The following PACRG variants were observed in gnomAD, a reference collection of about 807,000 sequenced individuals.
The protein encoded by PACRG is parkin coregulated gene protein.
A neutral mutation model predicts 29.7 loss-of-function variants in PACRG; 29 were observed. That is an observed-to-expected ratio of 0.98 (90% CI 0.73 to 1.33). The LOEUF (loss-of-function observed/expected upper bound fraction) is 1.33. PACRG is among the 40% of genes most tolerant of loss of function. The pLI, the probability that PACRG is intolerant of heterozygous loss-of-function variation, is 0.00. For synonymous variants in PACRG, 116 were observed against 118.7 expected (o/e 0.98, Z 0.15); for missense variants, 279 against 316.2 (o/e 0.88, Z 0.89).
chr6:163,285,383 G>A (rs144304396), intron 4 of PACRG, among the ~76,000 whole-genome samples: 6 of 152,160 alleles, frequency 3.9e-5, no homozygotes, highest in Non-Finnish European at 5.9e-5. Flanking sequence ...CCCAGTCCAG[G>A]CTAGATCTCC....
chr6:163,157,058 G>A (rs117848679), intron 4 of PACRG, among the ~76,000 whole-genome samples: 2,060 of 152,236 alleles, frequency 0.014, 21 homozygotes, highest in Non-Finnish European at 0.022. Flanking sequence ...TCATCTTGGC[G>A]GTGGTGGGCA....
At chr6:162,907,987 A>G (rs1796048433) in intron 2 of PACRG, among the ~76,000 whole-genome samples, 1 of 152,164 alleles carries the variant, frequency 6.6e-6, no homozygotes, top group Non-Finnish European at 1.5e-5. Flanking sequence ...GTGATATTGC[A>G]ACAAAAGGAC....
chr6:163,148,285 G>C (rs995191945), intron 4 of PACRG, among the ~76,000 whole-genome samples: 3 of 152,184 alleles, frequency 2.0e-5, no homozygotes, highest in African/African-American at 7.2e-5. Flanking sequence ...ACTGAAAACA[G>C]TGTCTGGTAT....
chr6:163,011,919 T>TC (rs1191410840), intron 2 of PACRG, among the ~76,000 whole-genome samples: 1 of 152,190 alleles, frequency 6.6e-6, no homozygotes, highest in South Asian at 2.1e-4. Context: ...CCACTTCTTG[T>TC]CCCACTGGAA....
chr6:162,753,348 T>C (rs921533345), intron 1 of PACRG, among the ~76,000 whole-genome samples: 5 of 149,286 alleles, frequency 3.3e-5, no homozygotes, highest in African/African-American at 1.2e-4. Flanking sequence ...CCTGAGAGCA[T>C]GTGGTATTTT....
intron 2 of PACRG, among the ~76,000 whole-genome samples, chr6:162,896,370 C>T (rs543591712): frequency 7.2e-5 from 11 of 152,302 alleles, no homozygotes; most frequent in Admixed American, 2.6e-4. Flanking sequence ...TTGTGGTTCA[C>T]GCTTACTGCG....
intron 2 of PACRG, among the ~76,000 whole-genome samples, chr6:162,926,225 C>T (rs1797430395): frequency 6.6e-6 from 1 of 152,090 alleles, no homozygotes; most frequent in African/African-American, 2.4e-5. Flanking sequence ...AATGGCCATA[C>T]TGCCCAAAGT....
At chr6:163,207,866 C>T (rs1002282669) in intron 4 of PACRG, among the ~76,000 whole-genome samples, 1 of 152,146 alleles carries the variant, frequency 6.6e-6, no homozygotes, top group Non-Finnish European at 1.5e-5. Flanking sequence ...CACAAATATT[C>T]AGCGCAATAG....
At chr6:162,783,842 A>C (rs569875858) in intron 1 of PACRG, among the ~76,000 whole-genome samples, 1 of 152,238 alleles carries the variant, frequency 6.6e-6, no homozygotes, top group South Asian at 2.1e-4. Context: ...TTTCTTTTAT[A>C]TTCTTGTCAA....
intron 4 of PACRG, among the ~76,000 whole-genome samples, chr6:163,256,536 C>T (rs1478675103): frequency 6.6e-6 from 1 of 152,172 alleles, no homozygotes; most frequent in Non-Finnish European, 1.5e-5. Context: ...TTAGGGAAGG[C>T]CTTACCAAGA....
chr6:162,873,216 G>T (rs1792980062), intron 2 of PACRG, among the ~76,000 whole-genome samples: 2 of 152,060 alleles, frequency 1.3e-5, no homozygotes, highest in African/African-American at 2.4e-5. Flanking sequence ...TTGTGTGTGT[G>T]TGTGTGTGTG....
chr6:162,735,226 A>C (rs906316248), intron 1 of PACRG, among the ~76,000 whole-genome samples: 4 of 152,124 alleles, frequency 2.6e-5, no homozygotes, highest in Admixed American at 6.6e-5. Context: ...TTTTTGGAGA[A>C]AGTATCTACG....
At chr6:163,018,120 C>T (rs1806275256) in intron 2 of PACRG, among the ~76,000 whole-genome samples, 1 of 152,144 alleles carries the variant, frequency 6.6e-6, no homozygotes, top group Non-Finnish European at 1.5e-5. Context: ...GTTCCCCCTT[C>T]CCTCCTTCCA....
intron 1 of PACRG, among the ~76,000 whole-genome samples, chr6:162,756,535 T>C (rs899907414): frequency 6.6e-6 from 1 of 152,190 alleles, no homozygotes; most frequent in Admixed American, 6.6e-5. Flanking sequence ...ATGTGTGTCA[T>C]GACTAGTGAA....
upstream of PACRG, chr6:162,727,683 T>C: frequency 6.3e-7 from 1 of 1,575,372 alleles, no homozygotes; most frequent in Non-Finnish European, 8.6e-7. Context: ...ACTGGGTAGG[T>C]GGCGGCTGCG....
intron 1 of PACRG, among the ~76,000 whole-genome samples, chr6:162,772,551 A>G (rs1783303122): frequency 6.6e-6 from 1 of 152,226 alleles, no homozygotes; most frequent in Non-Finnish European, 1.5e-5. Context: ...TGAAAAGTCA[A>G]TAGGAGGGAG....
intron 1 of PACRG, among the ~76,000 whole-genome samples, chr6:162,781,911 A>G (rs1784122379): frequency 6.6e-6 from 1 of 151,814 alleles, no homozygotes; most frequent in Non-Finnish European, 1.5e-5. Context: ...TTTAAACCCA[A>G]TAATATTAAT....
intron 2 of PACRG, among the ~76,000 whole-genome samples, chr6:162,842,177 T>A (rs1789845351): frequency 6.7e-6 from 1 of 149,926 alleles, no homozygotes; most frequent in South Asian, 2.2e-4. Flanking sequence ...CGTTGATCTG[T>A]CTAATGTTGA....
chr6:163,302,148 T>C (rs963912780), intron 4 of PACRG, among the ~76,000 whole-genome samples: 3 of 152,254 alleles, frequency 2.0e-5, no homozygotes, highest in Non-Finnish European at 4.4e-5. Flanking sequence ...GTGTCTATTG[T>C]GCAAACCCAA....
Sources: gnomAD v4.1 joint callset for allele counts (sites outside exome capture counted in the v4.1 genomes callset) on GRCh38, gnomAD v4.1.1 for gene constraint, MANE v1.5 for transcripts, NCBI Gene and HGNC (gene_info 2026-07-23, HGNC 2026-07-21) for gene names.